ST7: variants seen among roughly 807,000 people sequenced by gnomAD.
ST7 encodes suppressor of tumorigenicity 7 protein.
Under a neutral mutation model 78.7 loss-of-function variants are expected in ST7, and 28 were observed. That is an observed-to-expected ratio of 0.36 (90% CI 0.26 to 0.49). The LOEUF (loss-of-function observed/expected upper bound fraction) is 0.49, where lower values mean the gene tolerates loss of function less well. ST7 is among the 20% of genes least tolerant of loss of function. The pLI is 0.99. For synonymous variants in ST7, 247 were observed against 249.6 expected, an observed-to-expected ratio of 0.99 and a Z score of 0.10; for missense variants, 418 against 696.0, an observed-to-expected ratio of 0.60 and a Z score of 4.49.
At chr7:117,166,509 T>C (rs1807566151) in intron 9 of ST7, among the ~76,000 whole-genome samples, 1 of 152,154 alleles carries the variant, frequency 6.6e-6, no homozygotes, top group African/African-American at 2.4e-5. Context: ...TAAATTTGTA[T>C]TAACATCTGC....
intron 13 of ST7, among the ~76,000 whole-genome samples, chr7:117,211,125 G>A (rs1277537942): frequency 6.6e-6 from 1 of 152,208 alleles, no homozygotes; most frequent in African/African-American, 2.4e-5. Flanking sequence ...ATAAGCTACA[G>A]ATGGGACTCA....
At chr7:117,200,043 A>T (rs950721960) in intron 12 of ST7, among the ~76,000 whole-genome samples, 12 of 152,138 alleles carry the variant, frequency 7.9e-5, no homozygotes, top group African/African-American at 2.7e-4. Context: ...ATTATCACCA[A>T]GGAGGGCTTC....
intron 2 of ST7, among the ~76,000 whole-genome samples, chr7:117,114,543 T>A (rs1464681621): frequency 6.6e-6 from 1 of 152,230 alleles, no homozygotes. Flanking sequence ...ACTGTATCTA[T>A]CCTCCTGTGA....
In ST7 at chr7:116,999,663, A is replaced by G. The variant is rs574084806; in HGVS notation, c.151+45972A>G. Among the ~76,000 whole-genome samples, 7 of 152,304 alleles carry G rather than the reference A, an allele frequency of 4.6e-5. No homozygotes were observed. In the South Asian group the frequency reaches 1.5e-3, roughly 32 times the overall value. Reference sequence around the variant, plus strand: ...AAGAAAGGTTAGTCATGTTCCTAGTATCATTTCACTTATCAACATTATCTT... The same window carrying G: ...AAGAAAGGTTAGTCATGTTCCTAGTGTCATTTCACTTATCAACATTATCTT... On this transcript the variant is annotated intron_variant, in intron 1 of 15. Coordinates refer to ENST00000323984, the MANE Select transcript of ST7 (RefSeq NM_001369598.1).
chr7:117,031,218 G>GA (rs1038937881), intron 1 of ST7, among the ~76,000 whole-genome samples: 42 of 145,388 alleles, frequency 2.9e-4, no homozygotes, highest in Middle Eastern at 3.5e-3. Flanking sequence ...GAGAGGTTCA[G>GA]AAAAAAAAAA....
intron 1 of ST7, among the ~76,000 whole-genome samples, chr7:116,999,959 T>C (rs1794848354): frequency 6.6e-6 from 1 of 151,962 alleles, no homozygotes; most frequent in Non-Finnish European, 1.5e-5. Flanking sequence ...TACAGGTGCC[T>C]GCCACCACGC....
chr7:117,190,971 G>GA lies in ST7; in HGVS notation c.1254+36dup. ...TGGAATCCCCACAGGAACTCGTTAT[G>GA]ATAGCAGAGAAAGCATTCATTGACC... On this transcript the variant is annotated intron_variant, in intron 12 of 15. Transcript: ENST00000323984. This position sits in a 1 kb window ranked among gnomAD's most constrained non-coding sequence, Gnocchi z 5.2. 6.5e-7 allele frequency: 1 copy of GA among 1,530,044 alleles called. No individual in the cohort carries two copies. Among genetic ancestry groups the GA allele is most frequent in the Non-Finnish European group, 9.1e-7 (1 of 1,103,608 alleles). 94.8% of individuals were successfully genotyped at this position (1,530,044 alleles called of 1,614,324 possible).
intron 9 of ST7, among the ~76,000 whole-genome samples, chr7:117,140,959 G>A (rs1274622678): frequency 6.6e-6 from 1 of 152,166 alleles, no homozygotes; most frequent in Non-Finnish European, 1.5e-5. Flanking sequence ...TAAAGCTGTG[G>A]CTGTTCCCAG....
At chr7:116,986,192 A>T (rs1794183566) in intron 1 of ST7, among the ~76,000 whole-genome samples, 1 of 152,148 alleles carries the variant, frequency 6.6e-6, no homozygotes, top group Admixed American at 6.5e-5. Flanking sequence ...GTGTGAGTAG[A>T]GTCTATTTTA....
intron 9 of ST7, among the ~76,000 whole-genome samples, chr7:117,145,055 C>T (rs1317391130): frequency 6.6e-6 from 1 of 151,966 alleles, no homozygotes; most frequent in Non-Finnish European, 1.5e-5. Flanking sequence ...CATAAATTAG[C>T]CAGGTGTGGT....
intron 15 of ST7, among the ~76,000 whole-genome samples, chr7:117,227,970 A>G (rs940462216): frequency 1.3e-5 from 2 of 152,190 alleles, no homozygotes; most frequent in Admixed American, 6.5e-5. Flanking sequence ...GGCCCTCCCC[A>G]GTATCCTTCT....
intron 1 of ST7, among the ~76,000 whole-genome samples, chr7:116,991,868 A>G (rs1207194566): frequency 6.6e-6 from 1 of 152,222 alleles, no homozygotes; most frequent in Non-Finnish European, 1.5e-5. Context: ...GATGTTGGGT[A>G]AATACAGCCA....
chr7:117,055,449 C>T (rs1198101728), intron 1 of ST7, among the ~76,000 whole-genome samples: 1 of 152,146 alleles, frequency 6.6e-6, no homozygotes, highest in Non-Finnish European at 1.5e-5. Flanking sequence ...GGTGATCCTC[C>T]TGCCTCGGCC....
intron 1 of ST7, among the ~76,000 whole-genome samples, chr7:117,003,462 T>C (rs1349574701): frequency 6.6e-6 from 1 of 151,792 alleles, no homozygotes; most frequent in Non-Finnish European, 1.5e-5. Flanking sequence ...CACACCTGGC[T>C]AATTTTTGTA....
rs1441412960 is a variant in ST7 at position 117,172,758 on chromosome 7, G to A, written c.1078+1782G>A. ...AGTGCACTTTTCCAAATGCCACTCTGTAGCCATCAATGCCATAGCAATCCT... is the reference window on the plus strand; with the variant it reads ...AGTGCACTTTTCCAAATGCCACTCTATAGCCATCAATGCCATAGCAATCCT... On this transcript the variant is annotated intron_variant, in intron 10 of 15. Coordinates refer to ENST00000323984, the MANE Select transcript of ST7 (RefSeq NM_001369598.1). Among the ~76,000 whole-genome samples the A allele has an allele frequency of 2.6e-5, 4 of 152,176 alleles. No individual in the cohort carries two copies. The East Asian group carries it at 5.8e-4, about 22-fold the overall frequency.
intron 1 of ST7, among the ~76,000 whole-genome samples, chr7:117,067,561 A>G (rs1257761423): frequency 6.6e-6 from 1 of 152,138 alleles, no homozygotes; most frequent in Non-Finnish European, 1.5e-5. Flanking sequence ...GTCTGGCTGA[A>G]TATGGGCCAG....
chr7:117,123,597 C>G (rs1803585270), intron 3 of ST7, among the ~76,000 whole-genome samples: 1 of 152,160 alleles, frequency 6.6e-6, no homozygotes, highest in African/African-American at 2.4e-5. Context: ...CTCAGATATG[C>G]AGTTTCTGAT....
At chr7:117,022,433 T>TATA (rs925377715) in intron 1 of ST7, among the ~76,000 whole-genome samples, 18 of 151,974 alleles carry the variant, frequency 1.2e-4, no homozygotes, top group Admixed American at 9.8e-4. Flanking sequence ...GAACTTAAAG[T>TATA]ATAATAATAA....
At chr7:117,195,293 A>G (rs1015812961) in intron 12 of ST7, among the ~76,000 whole-genome samples, 1 of 152,078 alleles carries the variant, frequency 6.6e-6, no homozygotes, top group African/African-American at 2.4e-5. Flanking sequence ...CAGTTCAAGT[A>G]TTTTATCCGT....
Sources: gnomAD v4.1 joint callset for allele counts (sites outside exome capture counted in the v4.1 genomes callset) on GRCh38, gnomAD v4.1.1 for gene constraint, Gnocchi (gnomAD v3.1) non-coding constraint, MANE v1.5 for transcripts, NCBI Gene and HGNC (gene_info 2026-07-23, HGNC 2026-07-21) for gene names.